Variants in HIF1A observed in about 807,000 individuals in gnomAD.
HIF1A encodes the protein hypoxia inducible factor 1 subunit alpha.
Under a neutral mutation model 92.7 loss-of-function variants are expected in HIF1A, and 24 were observed. The observed-to-expected ratio is 0.26, with a 90% CI of 0.19 to 0.36. HIF1A has a LOEUF of 0.36. HIF1A is among the 10% of genes least tolerant of loss of function. The pLI is 1.00. For missense variants in HIF1A, 799 were observed against 998.5 expected (o/e 0.80, Z 2.69); for synonymous variants, 319 against 338.7 (o/e 0.94, Z 0.64).
chr14:61,715,808 G>A (rs947030131), intron 1 of HIF1A: 7 of 152,264 alleles, frequency 4.6e-5, no homozygotes, highest in African/African-American at 1.4e-4. Flanking sequence ...AGGACCAGTC[G>A]AGGCAACATA....
intron 1 of HIF1A, among the ~76,000 whole-genome samples, chr14:61,703,648 CCTCT>C (rs749931964): frequency 6.6e-6 from 1 of 151,962 alleles, no homozygotes; most frequent in East Asian, 1.9e-4. Flanking sequence ...AAAAAAACTC[CCTCT>C]CTCTTCTAGT....
intron 1 of HIF1A, among the ~76,000 whole-genome samples, chr14:61,701,831 T>G (rs111801469): frequency 0.025 from 3,864 of 151,830 alleles, 87 homozygotes; most frequent in South Asian, 0.047. Flanking sequence ...CTACTAAAAA[T>G]ACCAAAATTA....
At chr14:61,733,822 G>T (rs757604080) in intron 7 of HIF1A, among the ~76,000 whole-genome samples, 2 of 152,144 alleles carry the variant, frequency 1.3e-5, no homozygotes, top group African/African-American at 2.4e-5. Flanking sequence ...CTTGAAAAAG[G>T]CTATTGATTA....
chr14:61,721,964 A>T (rs1341833176), intron 4 of HIF1A, 141 bp downstream of exon 4: 7 of 591,876 alleles, frequency 1.2e-5, no homozygotes, highest in Non-Finnish European at 2.1e-5. Context: ...ATTCTTTGTT[A>T]AAACTATTAT....
At position 61,738,100 on chromosome 14, in the gene HIF1A, T is replaced by C; in HGVS notation, c.1263T>C (p.Asp421=). 1 of 1,600,814 alleles carries C rather than the reference T, an allele frequency of 6.2e-7. No individual in the cohort carries two copies. The highest frequency in any genetic ancestry group is 8.5e-7 in the Non-Finnish European group (1 of 1,174,110). The change falls in exon 10 of 15, where the codon GAT becomes GAC. Residue 421 remains aspartate (D), a synonymous_variant. Coordinates refer to ENST00000337138, the MANE Select transcript of HIF1A (RefSeq NM_001530.4). ...TTTTCCCCACAGACACAGAAACTGA[T>C]GACCAGCAACTTGAGGAAGTACCAT... The part of the protein sequence containing the change: ...LDFGSNDTET[D]DQQLEEVPLY...
At chr14:61,740,062 A>ATTTTTTTTTTTTTTTT (rs36189686) in intron 10 of HIF1A, 1 of 94,128 alleles carries the variant, frequency 1.1e-5, no homozygotes, top group Non-Finnish European at 1.9e-5. Flanking sequence ...ATTTTCACAA[A>ATTTTTTTTTTTTTTTT]TTTTTTTTTT....
At chr14:61,727,364 G>T (rs1301171926) in intron 5 of HIF1A, 89 bp from the exon 6 acceptor site, 1 of 903,472 alleles carries the variant, frequency 1.1e-6, no homozygotes, top group East Asian at 2.4e-5. Flanking sequence ...AAAGCTTACT[G>T]GCCATGTCAG....
At position 61,730,458 on chromosome 14, in the gene HIF1A, C is replaced by T. The variant is rs866753535; in HGVS notation, c.774-1960C>T. ...ACCTTCATTAATCTGATCCCCCTAC[C>T]TACTTCTTCAGCATCATCTCATATC... is the stretch of plus-strand genomic sequence containing the variant. On this transcript the variant is annotated intron_variant, in intron 6 of 14. Transcript: ENST00000337138. 3.3e-5 allele frequency among the ~76,000 whole-genome samples: 5 copies of T among 152,296 alleles called. No individual in the cohort carries two copies. In the South Asian group the frequency reaches 1.0e-3, roughly 32 times the overall value.
At chr14:61,697,233 G>A (rs1028616205) in intron 1 of HIF1A, among the ~76,000 whole-genome samples, 3 of 152,122 alleles carry the variant, frequency 2.0e-5, no homozygotes, top group Non-Finnish European at 4.4e-5. Context: ...AGCAGAGAAG[G>A]TCACTTATAA....
chr14:61,728,129 T>G (rs2044530447), intron 6 of HIF1A, among the ~76,000 whole-genome samples: 1 of 152,232 alleles, frequency 6.6e-6, no homozygotes, highest in East Asian at 1.9e-4. Context: ...TCAGCCACAT[T>G]TATTGAACAT....
Position 61,733,662 on chromosome 14 carries a change from C to G in HIF1A, c.881-476C>G, listed in dbSNP as rs376997486. Reference sequence around the variant, plus strand: ...ATCATTAGCATTTATTTAGTACTTTCTCCCAAATCAGTATTTAATTTAAAT... The same window carrying G: ...ATCATTAGCATTTATTTAGTACTTTGTCCCAAATCAGTATTTAATTTAAAT... On this transcript the variant is annotated intron_variant, in intron 7 of 14. Transcript: ENST00000337138. Among the ~76,000 whole-genome samples, 16 of 152,304 alleles carry G rather than the reference C, an allele frequency of 1.1e-4. No homozygotes were observed. In the East Asian group the frequency reaches 2.3e-3, roughly 22 times the overall value.
intron 1 of HIF1A, among the ~76,000 whole-genome samples, chr14:61,704,875 GTTCA>G (rs879362035): frequency 1.3e-4 from 20 of 152,134 alleles, no homozygotes; most frequent in Admixed American, 1.2e-3. Context: ...CATTTTTTAT[GTTCA>G]TTCATTCATT....
At chr14:61,718,938 T>C (rs1238221814) in intron 1 of HIF1A, among the ~76,000 whole-genome samples, 2 of 152,184 alleles carry the variant, frequency 1.3e-5, no homozygotes, top group Non-Finnish European at 2.9e-5. Flanking sequence ...CTTATTAAAG[T>C]ATAAAAGTCC....
At chr14:61,715,256 T>C (rs996820903) in intron 1 of HIF1A, among the ~76,000 whole-genome samples, 1 of 152,174 alleles carries the variant, frequency 6.6e-6, no homozygotes, top group Non-Finnish European at 1.5e-5. Context: ...GCAGAGAGCA[T>C]CTATTACCAT....
In HIF1A at chr14:61,721,666, A is replaced by G; in HGVS notation, c.372+12A>G. On this transcript the variant is annotated intron_variant, in intron 3 of 14. Transcript: ENST00000337138. ...TGGGATTAACTCAGGTAAAATGCAC[A>G]CATATTAAGAGCTCTTCTATATGTT... 6.2e-7 allele frequency: 1 copy of G among 1,611,430 alleles called. No homozygotes were observed. The highest frequency in any genetic ancestry group is 8.5e-7 in the Non-Finnish European group (1 of 1,177,864).
intron 1 of HIF1A, among the ~76,000 whole-genome samples, chr14:61,700,928 TAC>T (rs2044170232): frequency 1.3e-5 from 2 of 152,244 alleles, no homozygotes; most frequent in South Asian, 2.1e-4. Flanking sequence ...GAAAGCTAAC[TAC>T]AGTTTGCCAG....
chr14:61,708,065 G>C (rs971500501), intron 1 of HIF1A, among the ~76,000 whole-genome samples: 1 of 152,138 alleles, frequency 6.6e-6, no homozygotes, highest in Non-Finnish European at 1.5e-5. Flanking sequence ...CAGTGATGAT[G>C]AGCATTTTTT....
At chr14:61,711,144 A>G (rs1018831936) in intron 1 of HIF1A, among the ~76,000 whole-genome samples, 6 of 151,330 alleles carry the variant, frequency 4.0e-5, no homozygotes, top group African/African-American at 1.5e-4. Context: ...AACCAAAGTT[A>G]GTAAACTCCT....
chr14:61,704,207 T>C (rs901587590), intron 1 of HIF1A, among the ~76,000 whole-genome samples: 9 of 152,214 alleles, frequency 5.9e-5, no homozygotes, highest in Non-Finnish European at 1.0e-4. Flanking sequence ...TATTATAGTA[T>C]TGGTTAAGTT....
Sources: allele counts gnomAD v4.1 joint callset (sites outside exome capture counted in the v4.1 genomes callset), GRCh38; gene constraint gnomAD v4.1.1; transcripts MANE v1.5; gene names NCBI Gene and HGNC (gene_info 2026-07-23, HGNC 2026-07-21).